NEGR1: variants seen among roughly 807,000 people sequenced by gnomAD.
NEGR1 encodes the protein IgLON family member 4.
In NEGR1, 10 loss-of-function variants were observed where a neutral mutation model predicts 40.9. The observed-to-expected ratio is 0.24, with a 90% CI of 0.15 to 0.42. NEGR1 has a LOEUF of 0.42. NEGR1 is among the 10% of genes least tolerant of loss of function. NEGR1 has a pLI of 1.00. For synonymous variants in NEGR1, 185 were observed against 166.8 expected (o/e 1.11, Z -0.84); for missense variants, 352 against 438.9 (o/e 0.80, Z 1.77).
intron 1 of NEGR1, among the ~76,000 whole-genome samples, chr1:72,016,029 A>G (rs2100411412): frequency 6.6e-6 from 1 of 152,324 alleles, no homozygotes; most frequent in East Asian, 1.9e-4. Context: ...TTTTTTCAAT[A>G]TAAGAAATTA....
chr1:71,781,421 A>G (rs1163729870), intron 2 of NEGR1, among the ~76,000 whole-genome samples: 1 of 152,182 alleles, frequency 6.6e-6, no homozygotes, highest in Non-Finnish European at 1.5e-5. Flanking sequence ...TAAAAGGCAT[A>G]AACTATTTGG....
intron 3 of NEGR1, among the ~76,000 whole-genome samples, chr1:71,753,060 G>A (rs1306856313): frequency 6.6e-6 from 1 of 152,128 alleles, no homozygotes; most frequent in African/African-American, 2.4e-5. Context: ...TTACGACTCA[G>A]ATACTAGTTG....
chr1:72,205,478 T>C (rs903120559), intron 1 of NEGR1, among the ~76,000 whole-genome samples: 1 of 151,344 alleles, frequency 6.6e-6, no homozygotes, highest in African/African-American at 2.4e-5. Flanking sequence ...TATATTTATA[T>C]TAGACTGGAA....
chr1:71,671,891 CTCT>C (rs1358634861), intron 4 of NEGR1, among the ~76,000 whole-genome samples: 515 of 92,400 alleles, frequency 5.6e-3, no homozygotes, highest in Middle Eastern at 0.011. Flanking sequence ...TTCTCTCTCT[CTCT>C]TTTTTTTTTT....
At chr1:71,526,088 A>G (rs1569986718) in intron 6 of NEGR1, among the ~76,000 whole-genome samples, 1 of 151,712 alleles carries the variant, frequency 6.6e-6, no homozygotes, top group Non-Finnish European at 1.5e-5. Context: ...AATAATGAGC[A>G]TCATATTCTA....
chr1:71,597,446 C>CTT, intron 5 of NEGR1, among the ~76,000 whole-genome samples: 1 of 36,712 alleles, frequency 2.7e-5, no homozygotes, highest in African/African-American at 6.3e-5. Flanking sequence ...CTCTCTCTCT[C>CTT]TCTCTCTCTC....
intron 1 of NEGR1, among the ~76,000 whole-genome samples, chr1:72,252,280 G>A (rs1464938414): frequency 2.0e-5 from 3 of 152,046 alleles, no homozygotes; most frequent in Non-Finnish European, 2.9e-5. Flanking sequence ...CTGACCTAAC[G>A]TGATCCACCC....
At chr1:71,618,842 C>G (rs964354428) in intron 4 of NEGR1, among the ~76,000 whole-genome samples, 4 of 152,010 alleles carry the variant, frequency 2.6e-5, no homozygotes, top group African/African-American at 9.7e-5. Context: ...GTGGTCACAG[C>G]GTTCTATAAG....
intron 2 of NEGR1, among the ~76,000 whole-genome samples, chr1:71,877,295 C>T (rs1358641901): frequency 6.6e-6 from 1 of 152,152 alleles, no homozygotes; most frequent in Non-Finnish European, 1.5e-5. Context: ...TAGTAGTTGG[C>T]TAGAGTTGCC....
At chr1:71,731,622 AG>A (rs1180496676) in intron 3 of NEGR1, among the ~76,000 whole-genome samples, 7 of 152,362 alleles carry the variant, frequency 4.6e-5, no homozygotes, top group Admixed American at 2.6e-4. Context: ...TCCTTTAAAA[AG>A]CACACATCTT....
intron 5 of NEGR1, 148 bp from the exon 6 acceptor site, chr1:71,593,116 C>A (rs1394733620): frequency 1.5e-5 from 8 of 540,444 alleles, no homozygotes; most frequent in Non-Finnish European, 2.0e-5. Context: ...ATTTACATTT[C>A]ACTTACATTA....
chr1:71,684,045 C>T (rs1652934267), intron 4 of NEGR1, among the ~76,000 whole-genome samples: 1 of 152,036 alleles, frequency 6.6e-6, no homozygotes, highest in Non-Finnish European at 1.5e-5. Flanking sequence ...CCCAGGCGGG[C>T]AGATCACGAG....
rs1218602622 is a variant in NEGR1, at chr1:71,576,795, AC to A, written c.940+16021del. On this transcript the variant is annotated intron_variant, in intron 6 of 6. Coordinates refer to ENST00000357731, the MANE Select transcript of NEGR1 (RefSeq NM_173808.3). ...AGTATTTATAAAAGGAGGAGATGAG[AC>A]CTTTTCCTTCCCTCTTTTCTTCTTC... Among the ~76,000 whole-genome samples, 10 of 152,232 alleles carry A rather than the reference AC, an allele frequency of 6.6e-5. No homozygotes were observed. In the East Asian group the frequency reaches 1.9e-3, roughly 29 times the overall value.
At chr1:72,165,591 T>C (rs958784434) in intron 1 of NEGR1, among the ~76,000 whole-genome samples, 4 of 152,154 alleles carry the variant, frequency 2.6e-5, no homozygotes, top group Admixed American at 6.5e-5. Context: ...GTTTCTTCCA[T>C]TGCCATACTC....
At chr1:71,675,992 A>T (rs1652621699) in intron 4 of NEGR1, among the ~76,000 whole-genome samples, 1 of 152,020 alleles carries the variant, frequency 6.6e-6, no homozygotes, top group Non-Finnish European at 1.5e-5. Context: ...ACAGATACTA[A>T]ACAGGTGTTT....
chr1:72,252,168 C>A (rs1400797368), intron 1 of NEGR1, among the ~76,000 whole-genome samples: 2 of 150,824 alleles, frequency 1.3e-5, no homozygotes, highest in East Asian at 3.9e-4. Flanking sequence ...TGCAATGGGG[C>A]GATGTAGCTG....
At chr1:71,992,690 G>T (rs1646466159) in intron 1 of NEGR1, among the ~76,000 whole-genome samples, 2 of 152,262 alleles carry the variant, frequency 1.3e-5, no homozygotes, top group South Asian at 2.1e-4. Context: ...GTGTTCAGTA[G>T]CCACACACAG....
intron 1 of NEGR1, among the ~76,000 whole-genome samples, chr1:72,010,995 G>A (rs1013638800): frequency 6.6e-6 from 1 of 152,074 alleles, no homozygotes; most frequent in Non-Finnish European, 1.5e-5. Context: ...ATTGAAAGGT[G>A]ATGCCATAAG....
At chr1:71,822,825 G>T (rs1658479399) in intron 2 of NEGR1, among the ~76,000 whole-genome samples, 1 of 152,096 alleles carries the variant, frequency 6.6e-6, no homozygotes, top group Admixed American at 6.6e-5. Flanking sequence ...AGCCAAAGAG[G>T]TACATGAATG....
Sources: allele counts gnomAD v4.1 joint callset (sites outside exome capture counted in the v4.1 genomes callset), GRCh38; gene constraint gnomAD v4.1.1; transcripts MANE v1.5; gene names NCBI Gene and HGNC (gene_info 2026-07-23, HGNC 2026-07-21).